The following CACNA1A variants were observed in gnomAD, a reference collection of about 807,000 sequenced individuals.
CACNA1A encodes the protein voltage-dependent P/Q-type calcium channel subunit alpha-1A.
In CACNA1A, 57 loss-of-function variants were observed where a neutral mutation model predicts 262.4. The ratio of observed to expected loss-of-function variants is 0.22; its 90% CI spans 0.18 to 0.27. The LOEUF is 0.27. CACNA1A is among the 10% of genes least tolerant of loss of function. CACNA1A has a pLI of 1.00. For missense variants in CACNA1A, 2,526 were observed against 3,562.8 expected (o/e 0.71, Z 7.41); for synonymous variants, 1,431 against 1,419.3 (o/e 1.01, Z -0.18).
At chr19:13,489,809 G>A (rs1464446452) in intron 1 of CACNA1A, among the ~76,000 whole-genome samples, 3 of 152,032 alleles carry the variant, frequency 2.0e-5, no homozygotes, top group East Asian at 3.9e-4. Context: ...CTACTCCTCA[G>A]ATCACCCTAA....
At chr19:13,306,266 C>T (rs2057901361) in intron 15 of CACNA1A, among the ~76,000 whole-genome samples, 2 of 152,222 alleles carry the variant, frequency 1.3e-5, no homozygotes, top group Admixed American at 1.3e-4. Context: ...GGGCCAGTCC[C>T]AAGCCTCAGG....
intron 10 of CACNA1A, among the ~76,000 whole-genome samples, chr19:13,321,887 C>CA (rs969390948): frequency 3.2e-4 from 49 of 150,842 alleles, no homozygotes; most frequent in African/African-American, 9.0e-4. Context: ...ATGAAATTTA[C>CA]AAAAAAAAAT....
At position 13,214,260 on chromosome 19, in the gene CACNA1A, C is replaced by T. The variant is rs990134708; in HGVS notation, c.5913G>A (p.Lys1971=). 6.2e-7 allele frequency: 1 copy of T among 1,611,384 alleles called. No homozygotes were observed. Among genetic ancestry groups the T allele is most frequent in the Non-Finnish European group, 8.5e-7 (1 of 1,179,846 alleles). The change falls in exon 40 of 47, where the codon AAG becomes AAA. Residue 1971 remains lysine (K), a synonymous_variant. Coordinates refer to ENST00000360228, the MANE Select transcript of CACNA1A (RefSeq NM_001127222.2). This position sits in a 1 kb window ranked among gnomAD's most constrained non-coding sequence, Gnocchi z 4.1. ...IMEYYRQSKA[K]KLQAMREEQD... ...GCTCCTCGCGCATGGCCTGCAGCTT[C>T]TTGGCCTTGCTCTGCCGGTAGTACT... is the stretch of plus-strand genomic sequence containing the variant.
intron 3 of CACNA1A, among the ~76,000 whole-genome samples, chr19:13,373,927 T>C (rs1296566987): frequency 6.6e-6 from 1 of 152,214 alleles, no homozygotes; most frequent in African/African-American, 2.4e-5. Context: ...GTGAATCTGT[T>C]GCAGGTGTGA....
chr19:13,364,067 G>C (rs1312677595), intron 5 of CACNA1A: 3 of 152,252 alleles, frequency 2.0e-5, no homozygotes, highest in African/African-American at 7.2e-5. Context: ...GAGTGTCTCT[G>C]CGCTGCCTGG....
At chr19:13,354,520 C>T (rs2058970948) in intron 6 of CACNA1A, among the ~76,000 whole-genome samples, 4 of 152,186 alleles carry the variant, frequency 2.6e-5, no homozygotes, top group Admixed American at 1.3e-4. Flanking sequence ...AGATGGGCAC[C>T]TTAGCCCCTG....
At chr19:13,407,222 C>A (rs1003194742) in intron 3 of CACNA1A, among the ~76,000 whole-genome samples, 1 of 152,148 alleles carries the variant, frequency 6.6e-6, no homozygotes, top group Non-Finnish European at 1.5e-5. Flanking sequence ...GTAGACAGTA[C>A]AAAATTCAGA....
At chr19:13,224,248 C>T (rs1352768781) in intron 38 of CACNA1A, among the ~76,000 whole-genome samples, 2 of 151,296 alleles carry the variant, frequency 1.3e-5, no homozygotes, top group Non-Finnish European at 2.9e-5. Context: ...CGCTTGAACC[C>T]GGGAGGCGGA....
chr19:13,355,285 A>G (rs2058989499), intron 6 of CACNA1A, among the ~76,000 whole-genome samples: 1 of 152,182 alleles, frequency 6.6e-6, no homozygotes, highest in South Asian at 2.1e-4. Context: ...AGAAGCAAAG[A>G]AGGATCCTCC....
At chr19:13,392,504 G>A (rs538049684) in intron 3 of CACNA1A, among the ~76,000 whole-genome samples, 4 of 152,302 alleles carry the variant, frequency 2.6e-5, no homozygotes, top group African/African-American at 7.2e-5. Flanking sequence ...AAGCTCTTGA[G>A]GAAATGAACA....
rs751366127 is a variant in CACNA1A at position 13,212,234 on chromosome 19, A to G, written c.6190-18T>C. The G allele has an allele frequency of 2.5e-5, 41 of 1,608,648 alleles. No individual in the cohort carries two copies. Among genetic ancestry groups the G allele is most frequent in the Non-Finnish European group, 3.5e-5 (41 of 1,175,438 alleles). ...TCCACGGACTGCGGAGCAGATGGCAAAGCCAGATGAGCTCTGGGGCCTGAC... is the reference window on the plus strand; with the variant it reads ...TCCACGGACTGCGGAGCAGATGGCAGAGCCAGATGAGCTCTGGGGCCTGAC... On this transcript the variant is annotated intron_variant, in intron 42 of 46. Coordinates refer to ENST00000360228, the MANE Select transcript of CACNA1A (RefSeq NM_001127222.2). The surrounding 1 kb of genome is among the most constrained non-coding windows in gnomAD (Gnocchi z 5.6).
chr19:13,246,631 GTTT>G (rs1001319451), intron 30 of CACNA1A, among the ~76,000 whole-genome samples: 3 of 143,134 alleles, frequency 2.1e-5, no homozygotes, highest in East Asian at 3.4e-4. Context: ...CTCTCTGTTT[GTTT>G]TTTTTTTTTG....
In CACNA1A at chr19:13,209,267, C is replaced by G. The variant is rs1005330610; in HGVS notation, c.6526+45G>C. ...CCGCCCTGCCTTCTCCTCCCCTCTC[C>G]TCTCCTCTGTTCTGCTTGTCCCTGA... is the stretch of plus-strand genomic sequence containing the variant. On this transcript the variant is annotated intron_variant, in intron 45 of 46. Transcript: ENST00000360228. The G allele has an allele frequency of 7.6e-6, 11 of 1,439,538 alleles. No individual in the cohort carries two copies. The East Asian group carries it at 2.8e-4, about 36-fold the overall frequency. 89.2% of individuals were successfully genotyped at this position (1,439,538 alleles called of 1,614,324 possible).
chr19:13,273,760 T>C (rs920852794), intron 24 of CACNA1A: 1 of 152,176 alleles, frequency 6.6e-6, no homozygotes, highest in East Asian at 1.9e-4. Context: ...ACTTTTTATT[T>C]TTTTGAGACA....
chr19:13,392,635 A>T (rs2059729561), intron 3 of CACNA1A, among the ~76,000 whole-genome samples: 1 of 152,216 alleles, frequency 6.6e-6, no homozygotes, highest in Non-Finnish European at 1.5e-5. Flanking sequence ...TGGTCCAACC[A>T]CTTGGGAAAA....
chr19:13,444,479 T>C (rs2060775819), intron 3 of CACNA1A, among the ~76,000 whole-genome samples: 1 of 152,098 alleles, frequency 6.6e-6, no homozygotes, highest in African/African-American at 2.4e-5. Flanking sequence ...AGAGAGGACA[T>C]GAGAGGTGTA....
chr19:13,452,838 G>A, intron 3 of CACNA1A, 38 bp downstream of exon 3: 1 of 1,589,236 alleles, frequency 6.3e-7, no homozygotes, highest in Non-Finnish European at 8.6e-7. Context: ...TAATCCTTCA[G>A]CTAGTTAAAT....
At chr19:13,277,270 T>G (rs886508299) in intron 22 of CACNA1A, 142 bp from the exon 23 acceptor site, 5 of 603,166 alleles carry the variant, frequency 8.3e-6, no homozygotes, top group Non-Finnish European at 1.5e-5. Flanking sequence ...GCGCAGGGCG[T>G]GCACTGCACA....
chr19:13,217,913 C>T (rs1260677150), intron 38 of CACNA1A, among the ~76,000 whole-genome samples: 1 of 146,150 alleles, frequency 6.8e-6, no homozygotes, highest in Non-Finnish European at 1.5e-5. Context: ...TTGGGCCACA[C>T]TGTATAGTTC....
Sources: gnomAD v4.1 joint callset for allele counts (sites outside exome capture counted in the v4.1 genomes callset) on GRCh38, gnomAD v4.1.1 for gene constraint, Gnocchi (gnomAD v3.1) non-coding constraint, MANE v1.5 for transcripts, NCBI Gene and HGNC (gene_info 2026-07-23, HGNC 2026-07-21) for gene names.